Variants in PDK3 observed in about 807,000 individuals in gnomAD.
PDK3 encodes pyruvate dehydrogenase kinase, isozyme 3.
Under a neutral mutation model 32.0 loss-of-function variants are expected in PDK3, and 12 were observed. The ratio of observed to expected loss-of-function variants is 0.37; its 90% CI spans 0.24 to 0.61. The LOEUF is 0.61. Among genes scored for constraint, PDK3 ranks in the 20% least tolerant of loss-of-function variants. The pLI is 0.65. For missense variants in PDK3, 188 were observed against 316.9 expected, an observed-to-expected ratio of 0.59 and a Z score of 3.09; for synonymous variants, 122 against 116.3, an observed-to-expected ratio of 1.05 and a Z score of -0.31.
At position 24,474,104 on chromosome X, in the gene PDK3, G is replaced by A. The variant is rs1261571258; in HGVS notation, c.106+8543G>A. ...CACTTTTCTCCCCTCCCTGCAGACT[G>A]ACGTCCCATTTGTTTGATTTTCCAG... is the stretch of plus-strand genomic sequence containing the variant. On this transcript the variant is annotated intron_variant, in intron 1 of 10. Transcript: ENST00000379162. Among the ~76,000 whole-genome samples, 22 of 111,325 alleles carry A rather than the reference G, an allele frequency of 2.0e-4. 1 individual carries two copies. The highest frequency in any genetic ancestry group is 2.8e-4 in the East Asian group (1 of 3,574).
chrX:24,525,171 T>C lies in PDK3; in HGVS notation c.674-1027T>C, dbSNP rs903441942. 1.2e-3 allele frequency among the ~76,000 whole-genome samples: 137 copies of C among 110,787 alleles called. 1 individual carries two copies. The highest frequency in any genetic ancestry group is 6.8e-3 in the Admixed American group (71 of 10,484). On this transcript the variant is annotated intron_variant, in intron 6 of 10. Coordinates refer to ENST00000379162, the MANE Select transcript of PDK3 (RefSeq NM_005391.5). ...GACTCTGTCTCAAAAAATAAATAAA[T>C]AAAAATAAAAATAATTGCTCTTTGA...
chrX:24,470,364 G>A (rs1461245446), intron 1 of PDK3, among the ~76,000 whole-genome samples: 1 of 111,193 alleles, frequency 9.0e-6, no homozygotes, highest in African/African-American at 3.3e-5. Flanking sequence ...GTCTCTTCTA[G>A]AGTCCATTTT....
downstream of PDK3, among the ~76,000 whole-genome samples, chrX:24,536,816 T>C (rs1246223445): frequency 9.0e-6 from 1 of 111,527 alleles, no homozygotes; most frequent in East Asian, 2.8e-4. Context: ...TCTATCACCA[T>C]AGGTTCTCTT....
chrX:24,547,759 T>C lies in PDK3; in HGVS notation c.*8595T>C, dbSNP rs1923026208. ...GTATTCTAGCTAATTATTTTAATGTTTCACTAACTTTGTGTGTATTGTAAG... is the reference window on the plus strand; with the variant it reads ...GTATTCTAGCTAATTATTTTAATGTCTCACTAACTTTGTGTGTATTGTAAG... On this transcript the variant is annotated 3_prime_UTR_variant, in exon 12 of 12. Transcript: ENST00000568479. 3.5e-5 allele frequency: 4 copies of C among 112,888 alleles called. No individual in the cohort carries two copies. In the South Asian group the frequency reaches 1.4e-3, roughly 41 times the overall value. 9.3% of individuals were successfully genotyped at this position (112,888 alleles called of 1,213,427 possible).
chrX:24,523,069 C>T (rs1042051474), intron 6 of PDK3, among the ~76,000 whole-genome samples: 11 of 111,826 alleles, frequency 9.8e-5, no homozygotes, highest in African/African-American at 3.6e-4. Context: ...CTTCAGCAAC[C>T]ATTTCTCATG....
chrX:24,506,717 C>T (rs1054205254), intron 5 of PDK3, among the ~76,000 whole-genome samples: 2 of 109,460 alleles, frequency 1.8e-5, no homozygotes, highest in Non-Finnish European at 1.9e-5. Flanking sequence ...ATTTAAAATG[C>T]TCAATTCAGT....
exon 12 of PDK3, chrX:24,539,540 G>C (rs1922846284): frequency 7.4e-6 from 1 of 134,863 alleles, no homozygotes; most frequent in African/African-American, 3.2e-5. Context: ...TCGTACTGTT[G>C]CTCCTTGTGA....
At chrX:24,543,252 C>G (rs1040435772) in exon 12 of PDK3, among the ~76,000 whole-genome samples, 4 of 110,944 alleles carry the variant, frequency 3.6e-5, no homozygotes, top group African/African-American at 1.3e-4. Flanking sequence ...TATATTGGCT[C>G]TCTGTCATCT....
At chrX:24,473,985 T>G (rs1341867395) in intron 1 of PDK3, among the ~76,000 whole-genome samples, 3 of 112,103 alleles carry the variant, frequency 2.7e-5, no homozygotes, top group African/African-American at 9.7e-5. Flanking sequence ...CTTCTGAATG[T>G]TGAATGAGTT....
chrX:24,548,192 A>T (rs779330771), exon 12 of PDK3: 1 of 112,103 alleles, frequency 8.9e-6, no homozygotes, highest in Admixed American at 9.5e-5. Flanking sequence ...GGAACATAAG[A>T]TTATCCAAGA....
Position 24,518,789 on chromosome X carries a change from G to A in PDK3, c.596-144G>A, listed in dbSNP as rs759880580. ...TAGTTGATTAATTCTACATCCATCC[G>A]TTTAGACAGTTTATCTTATGTACCT... is the stretch of plus-strand genomic sequence containing the variant. On this transcript the variant is annotated intron_variant, in intron 5 of 10. Transcript: ENST00000379162. 58 of 351,726 alleles carry A rather than the reference G, an allele frequency of 1.6e-4. 1 individual carries two copies. The highest frequency in any genetic ancestry group is 6.9e-4 in the African/African-American group (26 of 37,893). The allele number at this position is 351,726 out of a possible 1,213,427, so 29.0% of individuals were successfully genotyped here. A position where few individuals can be genotyped will look rare whatever the true frequency, so the allele number is the denominator to read the frequency against.
exon 12 of PDK3, chrX:24,545,529 G>T (rs934976090): frequency 2.7e-5 from 3 of 111,477 alleles, no homozygotes; most frequent in African/African-American, 9.8e-5. Context: ...GCAAGCTTTC[G>T]TCACCTTCAG....
intron 8 of PDK3, 111 bp from the exon 9 acceptor site, chrX:24,527,965 C>T (rs1922563939): frequency 2.0e-6 from 1 of 495,079 alleles, no homozygotes; most frequent in Non-Finnish European, 3.6e-6. Context: ...ATTCAAAGTC[C>T]TTGTACATTG....
chrX:24,474,038 CT>C (rs1310070612), intron 1 of PDK3, among the ~76,000 whole-genome samples: 142 of 112,191 alleles, frequency 1.3e-3, no homozygotes, highest in Non-Finnish European at 1.3e-3. Flanking sequence ...TGCTTTTCAT[CT>C]TTCAGTCTCG....
chrX:24,478,448 A>G (rs1297024953), intron 1 of PDK3, among the ~76,000 whole-genome samples: 1 of 111,773 alleles, frequency 8.9e-6, no homozygotes, highest in African/African-American at 3.3e-5. Flanking sequence ...TGATAGAATG[A>G]GACTCTGTCA....
intron 1 of PDK3, among the ~76,000 whole-genome samples, chrX:24,478,853 T>A (rs750375648): frequency 8.9e-6 from 1 of 112,188 alleles, no homozygotes; most frequent in Admixed American, 9.4e-5. Flanking sequence ...ACCATTTGAG[T>A]TGTACCAGTG....
At chrX:24,549,136 T>C (rs1923052634) in exon 12 of PDK3, 1 of 111,785 alleles carries the variant, frequency 8.9e-6, no homozygotes, top group African/African-American at 3.3e-5. Context: ...CTTTAGGGAT[T>C]TGACAAAACT....
chrX:24,520,490 A>G (rs1040038464), intron 6 of PDK3, among the ~76,000 whole-genome samples: 2 of 112,553 alleles, frequency 1.8e-5, no homozygotes, highest in African/African-American at 6.4e-5. Flanking sequence ...CAAAATACAA[A>G]TAGCAGCTCT....
downstream of PDK3, among the ~76,000 whole-genome samples, chrX:24,534,618 C>G (rs1922731542): frequency 8.9e-6 from 1 of 112,402 alleles, no homozygotes; most frequent in Non-Finnish European, 1.9e-5. Context: ...TGAATGTACT[C>G]AATGCCACTG....
Sources: gnomAD v4.1 joint callset for allele counts (sites outside exome capture counted in the v4.1 genomes callset) on GRCh38, gnomAD v4.1.1 for gene constraint, MANE v1.5 for transcripts, NCBI Gene and HGNC (gene_info 2026-07-23, HGNC 2026-07-21) for gene names.